Variants in REC114 observed in about 807,000 individuals in gnomAD.
REC114 encodes the protein REC114 meiotic recombination protein.
A neutral mutation model predicts 31.3 loss-of-function variants in REC114; 27 were observed. The observed-to-expected ratio is 0.86, with a 90% CI of 0.64 to 1.19. REC114 has a LOEUF of 1.19. Ranked by LOEUF, REC114 falls within the 50% of genes most tolerant of loss-of-function variation. The pLI is 0.00. For missense variants in REC114, 344 were observed against 326.9 expected, an observed-to-expected ratio of 1.05 and a Z score of -0.40; for synonymous variants, 134 against 127.7, an observed-to-expected ratio of 1.05 and a Z score of -0.33.
At chr15:73,508,192 T>A (rs1219856420) in intron 2 of REC114, among the ~76,000 whole-genome samples, 1 of 152,188 alleles carries the variant, frequency 6.6e-6, no homozygotes, top group Non-Finnish European at 1.5e-5. Flanking sequence ...GTTTGTTGAA[T>A]GAATAAATGA....
chr15:73,446,579 G>C lies in REC114; in HGVS notation c.159+3235G>C, dbSNP rs555681526. Among the ~76,000 whole-genome samples the C allele has an allele frequency of 1.7e-4, 26 of 152,072 alleles. No homozygotes were observed. In the South Asian group the frequency reaches 5.2e-3, roughly 30 times the overall value. ...CACTTGAACCTGGGAGGCTGAGGTT[G>C]CAGTGAGCTGAGATCGTGGCACTGC... On this transcript the variant is annotated intron_variant, in intron 1 of 5. Transcript: ENST00000331090.
intron 2 of REC114, among the ~76,000 whole-genome samples, chr15:73,519,155 A>G (rs1893902667): frequency 6.6e-6 from 1 of 152,196 alleles, no homozygotes; most frequent in Admixed American, 6.5e-5. Flanking sequence ...GTTGAAACCT[A>G]ATCCTCAATG....
At chr15:73,496,860 A>T (rs1358416074) in intron 2 of REC114, among the ~76,000 whole-genome samples, 2 of 151,494 alleles carry the variant, frequency 1.3e-5, no homozygotes, top group Non-Finnish European at 2.9e-5. Context: ...CTAACCTAGG[A>T]TTCCACGTTG....
chr15:73,488,917 C>T (rs1893408892), intron 2 of REC114, among the ~76,000 whole-genome samples: 1 of 152,162 alleles, frequency 6.6e-6, no homozygotes. Context: ...GTTATAGTAA[C>T]ACCCCTTTCT....
intron 1 of REC114, among the ~76,000 whole-genome samples, chr15:73,465,470 G>C (rs548605122): frequency 6.6e-6 from 1 of 152,248 alleles, no homozygotes; most frequent in South Asian, 2.1e-4. Context: ...CACCTTCTCA[G>C]ATGCCTACCT....
chr15:73,527,260 C>G (rs1020372507), intron 2 of REC114, among the ~76,000 whole-genome samples: 38 of 152,298 alleles, frequency 2.5e-4, no homozygotes, highest in African/African-American at 8.9e-4. Flanking sequence ...AGAAGTTGTT[C>G]TTGCTCAGTC....
intron 3 of REC114, among the ~76,000 whole-genome samples, chr15:73,550,161 G>T (rs985534085): frequency 4.6e-5 from 7 of 152,194 alleles, no homozygotes; most frequent in Admixed American, 4.6e-4. Context: ...AAACTAGGCA[G>T]AGTAGTAGAC....
chr15:73,522,609 CTG>C (rs1274534980), intron 2 of REC114, among the ~76,000 whole-genome samples: 1 of 152,088 alleles, frequency 6.6e-6, no homozygotes, highest in African/African-American at 2.4e-5. Flanking sequence ...TTGTTTGTAT[CTG>C]TAGTTCATTT....
intron 2 of REC114, among the ~76,000 whole-genome samples, chr15:73,537,113 A>G (rs2141328170): frequency 6.6e-6 from 1 of 152,350 alleles, no homozygotes; most frequent in East Asian, 1.9e-4. Flanking sequence ...TTAGCGAGCA[A>G]AACGAACTTA....
chr15:73,459,972 T>C (rs1254714130), intron 1 of REC114, among the ~76,000 whole-genome samples: 1 of 152,204 alleles, frequency 6.6e-6, no homozygotes, highest in Admixed American at 6.5e-5. Flanking sequence ...TTTTTTCTTT[T>C]GGTTATGTTT....
chr15:73,512,176 TTGATCTC>T (rs1893781574), intron 2 of REC114, among the ~76,000 whole-genome samples: 1 of 133,332 alleles, frequency 7.5e-6, no homozygotes, highest in South Asian at 2.4e-4. Flanking sequence ...TCTTGTTGAA[TTGATCTC>T]TTTACCATTA....
At chr15:73,489,318 C>T (rs1252846817) in intron 2 of REC114, among the ~76,000 whole-genome samples, 2 of 151,734 alleles carry the variant, frequency 1.3e-5, no homozygotes, top group Non-Finnish European at 2.9e-5. Context: ...ATTCTCCTGC[C>T]TCGGCCTCCT....
At chr15:73,478,897 G>A (rs537812591) in intron 2 of REC114, among the ~76,000 whole-genome samples, 2 of 152,018 alleles carry the variant, frequency 1.3e-5, no homozygotes, top group South Asian at 2.1e-4. Flanking sequence ...TTTAAATATT[G>A]ACCTTGTATC....
intron 2 of REC114, among the ~76,000 whole-genome samples, chr15:73,487,201 C>T (rs1472610622): frequency 1.3e-5 from 2 of 152,128 alleles, no homozygotes; most frequent in South Asian, 2.1e-4. Context: ...TCAATTCCAC[C>T]CCTGTTCCCA....
Position 73,523,454 on chromosome 15 carries a change from G to A in REC114, c.250-17031G>A, listed in dbSNP as rs554554700. Among the ~76,000 whole-genome samples the A allele has an allele frequency of 4.1e-4, 62 of 152,290 alleles. 1 individual carries two copies. Among genetic ancestry groups the A allele is most frequent in the African/African-American group, 1.4e-3 (59 of 41,560 alleles). On this transcript the variant is annotated intron_variant, in intron 2 of 5. Coordinates refer to ENST00000331090, the MANE Select transcript of REC114 (RefSeq NM_001042367.2). The stretch of plus-strand genomic sequence containing the variant: ...GTGAATGAATGGTTGAAGTCTGGCC[G>A]CTGGGACTGGCCAAGACTTAGCTAT...
intron 2 of REC114, among the ~76,000 whole-genome samples, chr15:73,489,497 C>T (rs1201025037): frequency 6.6e-5 from 10 of 151,894 alleles, no homozygotes; most frequent in African/African-American, 1.2e-4. Context: ...TGAGCCACCA[C>T]GCCTGGCACC....
intron 1 of REC114, among the ~76,000 whole-genome samples, chr15:73,461,910 TCTTTTTCTTTTC>T (rs1567851950): frequency 2.5e-3 from 357 of 141,138 alleles, no homozygotes; most frequent in Middle Eastern, 4.2e-3. Context: ...TTTTTCTTTT[TCTTTTTCTTTTC>T]TTTTTTTTTT....
intron 2 of REC114, among the ~76,000 whole-genome samples, chr15:73,497,466 T>C (rs1284490873): frequency 6.6e-6 from 1 of 152,224 alleles, no homozygotes; most frequent in East Asian, 1.9e-4. Context: ...AATCTCCCAC[T>C]GATCACTTTT....
At chr15:73,511,634 G>T (rs923233296) in intron 2 of REC114, among the ~76,000 whole-genome samples, 1 of 143,408 alleles carries the variant, frequency 7.0e-6, no homozygotes, top group African/African-American at 2.6e-5. Flanking sequence ...AGAGATTCTG[G>T]TATGTTGTGT....
Sources: allele counts gnomAD v4.1 joint callset (sites outside exome capture counted in the v4.1 genomes callset), GRCh38; gene constraint gnomAD v4.1.1; transcripts MANE v1.5; gene names NCBI Gene and HGNC (gene_info 2026-07-23, HGNC 2026-07-21).